CRPPA: variants seen among roughly 807,000 people sequenced by gnomAD.
The protein encoded by CRPPA is D-ribitol-5-phosphate cytidylyltransferase.
A neutral mutation model predicts 52.0 loss-of-function variants in CRPPA; 43 were observed. The observed-to-expected ratio is 0.83, with a 90% CI of 0.65 to 1.07. The LOEUF is 1.07. Among genes scored for constraint, CRPPA ranks in the 50% least tolerant of loss-of-function variants. The probability of loss-of-function intolerance (pLI) is 0.00; values close to 1 mark genes in which losing one functional copy is unlikely to be tolerated. For synonymous variants in CRPPA, 250 were observed against 203.5 expected, an observed-to-expected ratio of 1.23 and a Z score of -1.94; for missense variants, 629 against 551.7, an observed-to-expected ratio of 1.14 and a Z score of -1.40.
intron 8 of CRPPA, among the ~76,000 whole-genome samples, chr7:16,231,237 T>C (rs1418072197): frequency 6.6e-6 from 1 of 152,176 alleles, no homozygotes; most frequent in Non-Finnish European, 1.5e-5. Flanking sequence ...TCAATGCATA[T>C]TTTCTTACTA....
chr7:16,360,439 G>T (rs1786414404), intron 3 of CRPPA, among the ~76,000 whole-genome samples: 1 of 152,036 alleles, frequency 6.6e-6, no homozygotes, highest in Admixed American at 6.6e-5. Context: ...CAAAGTTGGA[G>T]GTCTTATACT....
At chr7:16,369,161 A>C (rs1235490084) in intron 3 of CRPPA, among the ~76,000 whole-genome samples, 1 of 152,154 alleles carries the variant, frequency 6.6e-6, no homozygotes, top group Non-Finnish European at 1.5e-5. Flanking sequence ...GAGCATCGGC[A>C]AGCTACTGCC....
chr7:16,157,694 C>T (rs1441416772), intron 9 of CRPPA, among the ~76,000 whole-genome samples: 2 of 151,944 alleles, frequency 1.3e-5, no homozygotes, highest in Non-Finnish European at 2.9e-5. Context: ...TTTAAACTGC[C>T]AAATAGGTCC....
chr7:16,267,027 T>G (rs1783975002), intron 6 of CRPPA, among the ~76,000 whole-genome samples: 1 of 152,204 alleles, frequency 6.6e-6, no homozygotes, highest in African/African-American at 2.4e-5. Flanking sequence ...TCCCTTTATA[T>G]TTATTAGTAA....
At chr7:16,250,490 C>T in intron 8 of CRPPA, among the ~76,000 whole-genome samples, 1 of 152,080 alleles carries the variant, frequency 6.6e-6, no homozygotes, top group East Asian at 1.9e-4. Flanking sequence ...TCAGGTTACC[C>T]ACAAAGGGAA....
intron 2 of CRPPA, among the ~76,000 whole-genome samples, chr7:16,386,030 C>T (rs1478862687): frequency 6.6e-6 from 1 of 152,204 alleles, no homozygotes; most frequent in East Asian, 1.9e-4. Flanking sequence ...CAGCTCAGTG[C>T]CCTCTTGGTA....
intron 9 of CRPPA, among the ~76,000 whole-genome samples, chr7:16,155,245 T>C (rs1490415999): frequency 2.0e-5 from 3 of 152,146 alleles, no homozygotes; most frequent in Non-Finnish European, 4.4e-5. Context: ...CATACATCAA[T>C]TGTCTTATTT....
chr7:16,361,839 A>T (rs540559654), intron 3 of CRPPA, among the ~76,000 whole-genome samples: 1 of 149,654 alleles, frequency 6.7e-6, no homozygotes, highest in East Asian at 2.0e-4. Context: ...TATATATTTC[A>T]TCACAAGTTT....
At chr7:16,177,172 G>A (rs1333858906) in intron 9 of CRPPA, among the ~76,000 whole-genome samples, 1 of 151,984 alleles carries the variant, frequency 6.6e-6, no homozygotes. Context: ...TGACCAAAAA[G>A]AAACATGATG....
intron 9 of CRPPA, among the ~76,000 whole-genome samples, chr7:16,136,784 T>C (rs1782770489): frequency 1.3e-5 from 2 of 152,188 alleles, no homozygotes; most frequent in Non-Finnish European, 2.9e-5. Context: ...TTTATACACA[T>C]ATACACGCAT....
At chr7:16,289,753 C>A (rs1474848162) in intron 5 of CRPPA, among the ~76,000 whole-genome samples, 1 of 152,130 alleles carries the variant, frequency 6.6e-6, no homozygotes, top group African/African-American at 2.4e-5. Context: ...GAAAGCCTTT[C>A]CTCTAAGAGG....
chr7:16,287,377 C>A (rs1290357285), intron 5 of CRPPA, among the ~76,000 whole-genome samples: 2 of 152,106 alleles, frequency 1.3e-5, no homozygotes, highest in African/African-American at 4.8e-5. Flanking sequence ...CTTATGATTT[C>A]TCAGTATCAT....
At chr7:16,199,654 T>C (rs1003774128) in intron 9 of CRPPA, among the ~76,000 whole-genome samples, 1 of 80,876 alleles carries the variant, frequency 1.2e-5, no homozygotes, top group Non-Finnish European at 2.7e-5. Flanking sequence ...GCTCAAACCA[T>C]AAGTTCACTT....
chr7:16,337,350 T>C (rs1785709955), intron 3 of CRPPA, among the ~76,000 whole-genome samples: 2 of 152,068 alleles, frequency 1.3e-5, no homozygotes, highest in South Asian at 4.1e-4. Context: ...TTAAGAAACA[T>C]GTTCTGAACC....
At chr7:16,311,972 G>C (rs1417354651) in intron 3 of CRPPA, among the ~76,000 whole-genome samples, 1 of 151,996 alleles carries the variant, frequency 6.6e-6, no homozygotes, top group Non-Finnish European at 1.5e-5. Flanking sequence ...TCATTCCATA[G>C]ATCCATTTAT....
rs114647759 is a variant in CRPPA at position 16,128,802 on chromosome 7, T to G, written c.1252-37003A>C. Among the ~76,000 whole-genome samples, 452 of 152,202 alleles carry G rather than the reference T, an allele frequency of 3.0e-3. 3 individuals are homozygous for G. Among genetic ancestry groups the G allele is most frequent in the African/African-American group, 0.01 (435 of 41,538 alleles). ...TGCAATTATAACAGATTATGATAAT[T>G]ATGGAAACAGAAAGCAAAGTTACTA... On this transcript the variant is annotated intron_variant, in intron 9 of 9. Coordinates refer to ENST00000407010, the MANE Select transcript of CRPPA (RefSeq NM_001101426.4).
At chr7:16,263,721 C>T (rs1783874358) in intron 6 of CRPPA, among the ~76,000 whole-genome samples, 2 of 151,486 alleles carry the variant, frequency 1.3e-5, no homozygotes, top group Non-Finnish European at 2.9e-5. Context: ...CACTGCACTC[C>T]AGCCTTGGCG....
intron 3 of CRPPA, among the ~76,000 whole-genome samples, chr7:16,313,759 T>G (rs1196489583): frequency 1.3e-5 from 2 of 152,032 alleles, no homozygotes; most frequent in African/African-American, 2.4e-5. Context: ...GATTTCTTTT[T>G]TATGTGTGTT....
At chr7:16,413,656 G>C (rs186654906) in intron 1 of CRPPA, among the ~76,000 whole-genome samples, 170 of 152,292 alleles carry the variant, frequency 1.1e-3, no homozygotes, top group African/African-American at 3.9e-3. Flanking sequence ...AACAGAATTT[G>C]CTGTGGTTTT....
Sources: allele counts gnomAD v4.1 joint callset (sites outside exome capture counted in the v4.1 genomes callset), GRCh38; gene constraint gnomAD v4.1.1; transcripts MANE v1.5; gene names NCBI Gene and HGNC (gene_info 2026-07-23, HGNC 2026-07-21).